The following DLG2 variants were observed in gnomAD, a reference collection of about 807,000 sequenced individuals.
DLG2 encodes disks large homolog 2.
In DLG2, 45 loss-of-function variants were observed where a neutral mutation model predicts 132.5. The observed-to-expected ratio is 0.34, with a 90% CI of 0.27 to 0.44. The LOEUF is 0.44. Ranked by LOEUF, DLG2 falls within the 20% of genes least tolerant of loss-of-function variation. The pLI is 1.00. For missense variants in DLG2, 1,045 were observed against 1,196.9 expected, an observed-to-expected ratio of 0.87 and a Z score of 1.87; for synonymous variants, 424 against 419.6, an observed-to-expected ratio of 1.01 and a Z score of -0.13.
chr11:84,289,870 A>G (rs1039866725), intron 7 of DLG2, among the ~76,000 whole-genome samples: 1 of 152,182 alleles, frequency 6.6e-6, no homozygotes, highest in African/African-American at 2.4e-5. Context: ...TCAGAGAAAG[A>G]AAACTTGTTT....
chr11:85,596,594 T>A (rs1234356417), intron 3 of DLG2, among the ~76,000 whole-genome samples: 1 of 152,130 alleles, frequency 6.6e-6, no homozygotes, highest in South Asian at 2.1e-4. Context: ...TGGCTATGTA[T>A]TGGCCAGAAT....
chr11:83,513,484 T>C (rs575898085), intron 21 of DLG2, among the ~76,000 whole-genome samples: 1 of 152,356 alleles, frequency 6.6e-6, no homozygotes, highest in African/African-American at 2.4e-5. Context: ...AGGTTGCCTG[T>C]TCACTCTGAT....
At chr11:85,275,859 T>G (rs961526824) in intron 4 of DLG2, among the ~76,000 whole-genome samples, 8 of 152,084 alleles carry the variant, frequency 5.3e-5, no homozygotes, top group African/African-American at 1.9e-4. Context: ...GGGAGTTCTA[T>G]CATGCTTACA....
intron 3 of DLG2, among the ~76,000 whole-genome samples, chr11:85,396,345 TC>T (rs1371996001): frequency 6.6e-5 from 10 of 151,794 alleles, no homozygotes; most frequent in African/African-American, 2.4e-4. Context: ...AAGCTGAAAT[TC>T]CAAAAAAGAG....
At chr11:84,866,570 G>A (rs773019179) in intron 6 of DLG2, among the ~76,000 whole-genome samples, 2 of 152,290 alleles carry the variant, frequency 1.3e-5, no homozygotes, top group South Asian at 2.1e-4. Flanking sequence ...TTTGAGCCTG[G>A]CTATTTGAGC....
At chr11:84,614,079 C>A (rs2099600010) in intron 6 of DLG2, among the ~76,000 whole-genome samples, 1 of 152,158 alleles carries the variant, frequency 6.6e-6, no homozygotes, top group African/African-American at 2.4e-5. Flanking sequence ...ATAACTAGCA[C>A]TGTGTATTAT....
intron 6 of DLG2, among the ~76,000 whole-genome samples, chr11:84,928,702 A>G (rs748038293): frequency 6.6e-6 from 1 of 151,656 alleles, no homozygotes; most frequent in Non-Finnish European, 1.5e-5. Flanking sequence ...TCAATTTACT[A>G]TTATTGGAAT....
At chr11:85,310,968 A>C (rs2080277522) in intron 3 of DLG2, among the ~76,000 whole-genome samples, 1 of 152,170 alleles carries the variant, frequency 6.6e-6, no homozygotes, top group African/African-American at 2.4e-5. Flanking sequence ...TATTTGATTA[A>C]TTTCTCTATT....
chr11:84,981,965 T>C (rs1432290867), intron 6 of DLG2, among the ~76,000 whole-genome samples: 1 of 152,196 alleles, frequency 6.6e-6, no homozygotes, highest in Non-Finnish European at 1.5e-5. Context: ...CACCATTTTA[T>C]AACAACTCCT....
At chr11:84,314,325 G>A (rs966938731) in intron 7 of DLG2, among the ~76,000 whole-genome samples, 2 of 152,134 alleles carry the variant, frequency 1.3e-5, no homozygotes, top group Non-Finnish European at 2.9e-5. Flanking sequence ...ATATTTCACA[G>A]GATATTCCCA....
intron 4 of DLG2, among the ~76,000 whole-genome samples, chr11:85,205,871 C>T (rs758361315): frequency 1.8e-3 from 267 of 152,190 alleles, no homozygotes; most frequent in Admixed American, 4.1e-3. Flanking sequence ...TCTTTTTGTT[C>T]TACATTTTTT....
chr11:84,533,052 GGAA>G (rs144811134), intron 7 of DLG2, among the ~76,000 whole-genome samples: 2,958 of 152,170 alleles, frequency 0.019, 89 homozygotes, highest in African/African-American at 0.066. Context: ...ACCCTTCTGC[GGAA>G]GAAGGAGTCT....
At chr11:84,916,633 G>T (rs1362519988) in intron 6 of DLG2, among the ~76,000 whole-genome samples, 1 of 152,060 alleles carries the variant, frequency 6.6e-6, no homozygotes, top group Non-Finnish European at 1.5e-5. Flanking sequence ...TGGTCTCTCT[G>T]CTCCTGCCCT....
At chr11:84,152,550 C>A (rs1034450446) in intron 9 of DLG2, among the ~76,000 whole-genome samples, 15 of 151,974 alleles carry the variant, frequency 9.9e-5, no homozygotes, top group Admixed American at 6.5e-5. Context: ...CCATGCCCGG[C>A]TAATTTTTTG....
At chr11:85,300,628 T>C (rs1301112945) in intron 3 of DLG2, among the ~76,000 whole-genome samples, 1 of 152,204 alleles carries the variant, frequency 6.6e-6, no homozygotes, top group East Asian at 1.9e-4. Context: ...ATTCATGTTG[T>C]CCAGAAGCAA....
intron 6 of DLG2, among the ~76,000 whole-genome samples, chr11:84,817,319 A>G (rs1380047070): frequency 6.6e-6 from 1 of 151,964 alleles, no homozygotes; most frequent in Non-Finnish European, 1.5e-5. Flanking sequence ...GCCCTCCTGA[A>G]GGTGATGCGG....
At chr11:85,494,848 A>T (rs1197230729) in intron 3 of DLG2, among the ~76,000 whole-genome samples, 1 of 148,388 alleles carries the variant, frequency 6.7e-6, no homozygotes, top group East Asian at 1.9e-4. Flanking sequence ...ATATTTTTTT[A>T]AAAGAAAACA....
chr11:83,990,879 T>A (rs2093669580), intron 11 of DLG2, among the ~76,000 whole-genome samples: 1 of 127,992 alleles, frequency 7.8e-6, no homozygotes. Flanking sequence ...ATGGTTTTAT[T>A]AAAGGAAACA....
chr11:84,982,700 G>T (rs1426675301), intron 6 of DLG2, among the ~76,000 whole-genome samples: 4 of 151,454 alleles, frequency 2.6e-5, no homozygotes, highest in Non-Finnish European at 5.9e-5. Flanking sequence ...TCCTCAAATA[G>T]AATTAAGCAA....
Sources: allele counts gnomAD v4.1 joint callset (sites outside exome capture counted in the v4.1 genomes callset), GRCh38; gene constraint gnomAD v4.1.1; transcripts MANE v1.5; gene names NCBI Gene and HGNC (gene_info 2026-07-23, HGNC 2026-07-21).